C1orf21: variants seen among roughly 807,000 people sequenced by gnomAD.
C1orf21 encodes the protein chromosome 1 open reading frame 21.
C1orf21 carries 3 observed loss-of-function variants against 18.7 expected under a neutral mutation model. That is an observed-to-expected ratio of 0.16 (90% CI 0.07 to 0.42). The LOEUF is 0.42. Ranked by LOEUF, C1orf21 falls within the 10% of genes least tolerant of loss-of-function variation. The pLI, the probability that C1orf21 is intolerant of heterozygous loss-of-function variation, is 0.99. For missense variants in C1orf21, 104 were observed against 143.6 expected (o/e 0.72, Z 1.41); for synonymous variants, 41 against 46.4 (o/e 0.88, Z 0.47).
At chr1:184,415,364 A>G (rs1051104816) in intron 1 of C1orf21, among the ~76,000 whole-genome samples, 4 of 152,214 alleles carry the variant, frequency 2.6e-5, no homozygotes, top group Admixed American at 2.6e-4. Flanking sequence ...ACTTAAGTGC[A>G]CATCAGAATC....
At chr1:184,577,515 G>C (rs1659210430) in intron 3 of C1orf21, among the ~76,000 whole-genome samples, 1 of 152,140 alleles carries the variant, frequency 6.6e-6, no homozygotes, top group South Asian at 2.1e-4. Flanking sequence ...GGCACTGACA[G>C]TTTTGGAATT....
chr1:184,410,661 A>ATTTT (rs1324215272), intron 1 of C1orf21, among the ~76,000 whole-genome samples: 5 of 6,146 alleles, frequency 8.1e-4, no homozygotes, highest in Admixed American at 2.3e-3. Flanking sequence ...ATATATATAT[A>ATTTT]TATTTTTTTT....
At chr1:184,523,357 C>A (rs1272312159) in intron 3 of C1orf21, among the ~76,000 whole-genome samples, 2 of 151,904 alleles carry the variant, frequency 1.3e-5, no homozygotes, top group Non-Finnish European at 2.9e-5. Flanking sequence ...CTGTGGTCTT[C>A]CACCCCAAAC....
intron 1 of C1orf21, among the ~76,000 whole-genome samples, chr1:184,392,092 T>C (rs971521816): frequency 2.0e-5 from 3 of 152,232 alleles, no homozygotes; most frequent in Non-Finnish European, 4.4e-5. Context: ...CCTTCCCTTA[T>C]GATTGTAGCT....
chr1:184,608,626 G>A (rs1032582488), intron 5 of C1orf21, among the ~76,000 whole-genome samples: 12 of 152,160 alleles, frequency 7.9e-5, no homozygotes, highest in African/African-American at 1.9e-4. Flanking sequence ...TCAGTAAGCC[G>A]GATAGTACCC....
chr1:184,584,089 T>C (rs982549038), intron 3 of C1orf21, among the ~76,000 whole-genome samples: 5 of 149,894 alleles, frequency 3.3e-5, no homozygotes, highest in Non-Finnish European at 7.4e-5. Context: ...ACTTTCTCCT[T>C]CCCCCTCCTT....
intron 2 of C1orf21, among the ~76,000 whole-genome samples, chr1:184,494,845 C>A (rs74131693): frequency 7.0e-6 from 1 of 142,902 alleles, no homozygotes. Context: ...TTTGCTTTTG[C>A]TTTTTTTTTT....
intron 1 of C1orf21, among the ~76,000 whole-genome samples, chr1:184,436,806 G>A (rs1235552837): frequency 1.3e-5 from 2 of 152,128 alleles, no homozygotes; most frequent in African/African-American, 4.8e-5. Context: ...GAGGTCCCTG[G>A]TCTCATGGAA....
intron 1 of C1orf21, among the ~76,000 whole-genome samples, chr1:184,467,626 A>G (rs1571372037): frequency 6.6e-6 from 1 of 152,054 alleles, no homozygotes; most frequent in Non-Finnish European, 1.5e-5. Context: ...ATTCCTAAAA[A>G]CCACCAAGCT....
chr1:184,559,605 T>G, intron 3 of C1orf21, among the ~76,000 whole-genome samples: 1 of 142,448 alleles, frequency 7.0e-6, no homozygotes, highest in Admixed American at 7.0e-5. Context: ...CTTCCTTCCT[T>G]CCTTCCTCCC....
At chr1:184,535,857 G>C (rs1205809975) in intron 3 of C1orf21, among the ~76,000 whole-genome samples, 1 of 152,090 alleles carries the variant, frequency 6.6e-6, no homozygotes, top group African/African-American at 2.4e-5. Flanking sequence ...TAGTGGAGCT[G>C]TTTCCTCCAT....
chr1:184,425,648 C>G (rs1023646333), intron 1 of C1orf21, among the ~76,000 whole-genome samples: 1 of 152,152 alleles, frequency 6.6e-6, no homozygotes, highest in African/African-American at 2.4e-5. Context: ...TTGCCTTATT[C>G]AGGTTTTTCC....
intron 3 of C1orf21, among the ~76,000 whole-genome samples, chr1:184,515,023 C>T (rs1472853278): frequency 6.6e-6 from 1 of 152,176 alleles, no homozygotes; most frequent in Non-Finnish European, 1.5e-5. Context: ...TGTAAAGACT[C>T]AGTTTCCTGC....
intron 1 of C1orf21, among the ~76,000 whole-genome samples, chr1:184,402,059 A>G (rs1656160493): frequency 6.6e-6 from 1 of 152,186 alleles, no homozygotes; most frequent in Non-Finnish European, 1.5e-5. Flanking sequence ...AGGTTGTTCT[A>G]GTTGTACTTA....
intron 1 of C1orf21, among the ~76,000 whole-genome samples, chr1:184,460,620 G>GTCGTCGTCGTCTTCTTCT (rs1284129710): frequency 8.9e-6 from 1 of 112,092 alleles, no homozygotes; most frequent in African/African-American, 4.0e-5. Context: ...TGTCGTCGTC[G>GTCGTCGTCGTCTTCTTCT]TCTTCTTCTT....
intron 1 of C1orf21, among the ~76,000 whole-genome samples, chr1:184,447,026 C>G (rs1657045977): frequency 6.6e-6 from 1 of 152,076 alleles, no homozygotes. Flanking sequence ...AATTAATTAT[C>G]TGTTTTGAGA....
chr1:184,500,819 G>C (rs1657963786), intron 2 of C1orf21, among the ~76,000 whole-genome samples: 1 of 152,122 alleles, frequency 6.6e-6, no homozygotes, highest in Admixed American at 6.5e-5. Flanking sequence ...ATGCCTCCTG[G>C]TCTTCAGGTG....
chr1:184,403,394 T>C (rs1656195918), intron 1 of C1orf21, among the ~76,000 whole-genome samples: 1 of 152,296 alleles, frequency 6.6e-6, no homozygotes, highest in Middle Eastern at 3.4e-3. Flanking sequence ...TAATATATTG[T>C]TTAAAGATAG....
intron 2 of C1orf21, among the ~76,000 whole-genome samples, chr1:184,486,780 G>A (rs972640693): frequency 6.6e-6 from 1 of 152,192 alleles, no homozygotes; most frequent in Non-Finnish European, 1.5e-5. Context: ...AGAGAGATAA[G>A]TAGAAAATAA....
Sources: gnomAD v4.1 joint callset for allele counts (sites outside exome capture counted in the v4.1 genomes callset) on GRCh38, gnomAD v4.1.1 for gene constraint, MANE v1.5 for transcripts, NCBI Gene and HGNC (gene_info 2026-07-23, HGNC 2026-07-21) for gene names.